RPS6KA2: variants seen among roughly 807,000 people sequenced by gnomAD.
The protein encoded by RPS6KA2 is ribosomal protein S6 kinase alpha-2.
Under a neutral mutation model 91.8 loss-of-function variants are expected in RPS6KA2, and 42 were observed. That is an observed-to-expected ratio of 0.46 (90% CI 0.36 to 0.59). RPS6KA2 has a LOEUF of 0.59. Among genes scored for constraint, RPS6KA2 ranks in the 20% least tolerant of loss-of-function variants. The pLI, the probability that RPS6KA2 is intolerant of heterozygous loss-of-function variation, is 0.00. For synonymous variants in RPS6KA2, 414 were observed against 393.6 expected (o/e 1.05, Z -0.61); for missense variants, 798 against 978.5 (o/e 0.82, Z 2.46).
chr6:166,526,515 T>C (rs1314501940), intron 3 of RPS6KA2, among the ~76,000 whole-genome samples: 1 of 151,880 alleles, frequency 6.6e-6, no homozygotes, highest in Non-Finnish European at 1.5e-5. Context: ...CCAGTTAATT[T>C]TTGACTTTTT....
chr6:166,861,546 A>G (rs1381130516), intron 1 of RPS6KA2, among the ~76,000 whole-genome samples: 2 of 152,270 alleles, frequency 1.3e-5, no homozygotes, highest in Non-Finnish European at 2.9e-5. Flanking sequence ...TGGGACGGGC[A>G]AGGAACACTT....
At position 166,419,764 on chromosome 6, in the gene RPS6KA2, G is replaced by T; in HGVS notation, c.1820+118C>A. 2 of 799,758 alleles carry T rather than the reference G, an allele frequency of 2.5e-6. No homozygotes were observed. Among genetic ancestry groups the T allele is most frequent in the Non-Finnish European group, 4.3e-6 (2 of 469,054 alleles). The allele number at this position is 799,758 out of a possible 1,614,324, so 49.5% of individuals were successfully genotyped here. On this transcript the variant is annotated intron_variant, in intron 18 of 20. Coordinates refer to ENST00000265678, the MANE Select transcript of RPS6KA2 (RefSeq NM_021135.6). This position sits in a 1 kb window ranked among gnomAD's most constrained non-coding sequence, Gnocchi z 5.6. ...AAGGCCTGGGAGTGTTTGCATACAC[G>T]TTGGGTTTGCCCACATGCGCACACT...
intron 2 of RPS6KA2, among the ~76,000 whole-genome samples, chr6:166,786,950 A>G (rs1193202550): frequency 6.6e-6 from 1 of 152,174 alleles, no homozygotes; most frequent in Non-Finnish European, 1.5e-5. Context: ...CCATTTTGCA[A>G]TGTGGGTTTT....
intron 10 of RPS6KA2, among the ~76,000 whole-genome samples, chr6:166,472,800 G>A (rs1303421868): frequency 1.3e-5 from 2 of 152,140 alleles, no homozygotes; most frequent in South Asian, 2.1e-4. Flanking sequence ...CGGATGACAC[G>A]CACTGAAGGC....
intron 2 of RPS6KA2, among the ~76,000 whole-genome samples, chr6:166,835,622 G>A (rs375010174): frequency 3.3e-5 from 5 of 152,278 alleles, no homozygotes; most frequent in South Asian, 4.1e-4. Flanking sequence ...TCCTAAACAC[G>A]TGAGTCTTAA....
At chr6:166,510,942 T>C (rs1367349624) in intron 3 of RPS6KA2, among the ~76,000 whole-genome samples, 1 of 152,104 alleles carries the variant, frequency 6.6e-6, no homozygotes, top group African/African-American at 2.4e-5. Context: ...TCAGTTTTCG[T>C]CTGTAGAATG....
intron 2 of RPS6KA2, among the ~76,000 whole-genome samples, chr6:166,780,721 T>C (rs542020142): frequency 6.6e-6 from 1 of 152,326 alleles, no homozygotes; most frequent in South Asian, 2.1e-4. Context: ...TTATGGGCAT[T>C]TAATATGCTA....
At chr6:166,741,944 T>C (rs1464702848) in intron 2 of RPS6KA2, among the ~76,000 whole-genome samples, 1 of 152,020 alleles carries the variant, frequency 6.6e-6, no homozygotes. Flanking sequence ...CCGGCCAACA[T>C]AGTGAAACCC....
intron 3 of RPS6KA2, among the ~76,000 whole-genome samples, chr6:166,519,207 G>A (rs894498781): frequency 6.6e-6 from 1 of 152,254 alleles, no homozygotes; most frequent in South Asian, 2.1e-4. Flanking sequence ...CTTCAGAAAT[G>A]TCAGCAACAA....
chr6:166,768,299 T>A (rs980678605), intron 2 of RPS6KA2, among the ~76,000 whole-genome samples: 2 of 152,202 alleles, frequency 1.3e-5, no homozygotes, highest in African/African-American at 4.8e-5. Flanking sequence ...GTGATTTTTT[T>A]ATAAAGGCAA....
At chr6:166,759,077 G>A (rs1401641910) in intron 2 of RPS6KA2, among the ~76,000 whole-genome samples, 1 of 121,458 alleles carries the variant, frequency 8.2e-6, no homozygotes, top group Non-Finnish European at 1.8e-5. Flanking sequence ...GTGTGTGTGT[G>A]TGTGTGCACA....
chr6:166,704,227 G>A (rs966464404), intron 2 of RPS6KA2, among the ~76,000 whole-genome samples: 2 of 152,214 alleles, frequency 1.3e-5, no homozygotes, highest in Non-Finnish European at 2.9e-5. Context: ...TCTGTGAGGT[G>A]TTGATAGCAT....
intron 2 of RPS6KA2, chr6:166,701,453 G>A (rs1173715677): frequency 1.7e-6 from 2 of 1,169,394 alleles, no homozygotes; most frequent in African/African-American, 1.5e-5. Flanking sequence ...CGAGCCTCTG[G>A]TGATCCAGCG....
At chr6:166,701,322 T>C (rs1789512570) in intron 2 of RPS6KA2, 1 of 1,514,220 alleles carries the variant, frequency 6.6e-7, no homozygotes, top group Admixed American at 1.9e-5. Flanking sequence ...TGCCTCCTTT[T>C]CCAGTAACTG....
At position 166,412,861 on chromosome 6, in the gene RPS6KA2, A is replaced by G. The variant is rs202121820; in HGVS notation, c.2103T>C (p.Ala701=). The G allele has an allele frequency of 3.5e-5, 55 of 1,564,044 alleles. No individual in the cohort carries two copies. The highest frequency in any genetic ancestry group is 1.7e-4 in the Middle Eastern group (1 of 5,988). The change falls in exon 21 of 21, where the codon GCT becomes GCC. Residue 701 remains alanine (A), a synonymous_variant. Transcript: ENST00000265678. The surrounding 1 kb of genome is among the most constrained non-coding windows in gnomAD (Gnocchi z 4.3). The part of the protein sequence containing the change: ...VKGAMAATYF[A]LNRTPQAPRL... ...GCGGGGCCTGAGGTGTTCTGTTTAG[A>G]GCAAAGTAGGTGGCGGCCATCGCGC...
chr6:166,698,212 G>A (rs897356691), intron 2 of RPS6KA2, among the ~76,000 whole-genome samples: 1 of 152,218 alleles, frequency 6.6e-6, no homozygotes, highest in African/African-American at 2.4e-5. Context: ...AAATTTCCTG[G>A]TATGTGTAGC....
chr6:166,693,009 G>C (rs1789254481), intron 2 of RPS6KA2, among the ~76,000 whole-genome samples: 1 of 152,168 alleles, frequency 6.6e-6, no homozygotes, highest in African/African-American at 2.4e-5. Flanking sequence ...CTCAGGAGAG[G>C]GCAAGAGGCA....
At chr6:166,553,642 T>G (rs1466264912) in intron 1 of RPS6KA2, among the ~76,000 whole-genome samples, 2 of 152,064 alleles carry the variant, frequency 1.3e-5, no homozygotes, top group Admixed American at 1.3e-4. Flanking sequence ...GGCTCTGACG[T>G]GGGCCAGTCA....
chr6:166,802,488 A>G (rs753214764), intron 2 of RPS6KA2, among the ~76,000 whole-genome samples: 2 of 152,214 alleles, frequency 1.3e-5, no homozygotes, highest in Admixed American at 6.5e-5. Flanking sequence ...AAATTCAGAC[A>G]AAAAGAGATA....
Sources: gnomAD v4.1 joint callset for allele counts (sites outside exome capture counted in the v4.1 genomes callset) on GRCh38, gnomAD v4.1.1 for gene constraint, Gnocchi (gnomAD v3.1) non-coding constraint, MANE v1.5 for transcripts, NCBI Gene and HGNC (gene_info 2026-07-23, HGNC 2026-07-21) for gene names.